The following VRTN variants were observed in gnomAD, a reference collection of about 807,000 sequenced individuals.
VRTN encodes the protein vertebrae development associated.
VRTN carries 5 observed loss-of-function variants against 18.2 expected under a neutral mutation model. That is an observed-to-expected ratio of 0.27 (90% CI 0.14 to 0.58). VRTN has a LOEUF of 0.58. Ranked by LOEUF, VRTN falls within the 20% of genes least tolerant of loss-of-function variation. VRTN has a pLI of 0.91. For synonymous variants in VRTN, 381 were observed against 393.7 expected (o/e 0.97, Z 0.38); for missense variants, 741 against 939.4 (o/e 0.79, Z 2.76).
intron 1 of VRTN, among the ~76,000 whole-genome samples, chr14:74,329,892 A>ATTTTTTTTT (rs1567041276): frequency 7.4e-6 from 1 of 135,176 alleles, no homozygotes; most frequent in African/African-American, 2.9e-5. Flanking sequence ...TTTTTTTTTG[A>ATTTTTTTTT]AACAGAGTCT....
intron 1 of VRTN, among the ~76,000 whole-genome samples, chr14:74,311,249 A>G (rs2085386867): frequency 6.6e-6 from 1 of 152,140 alleles, no homozygotes; most frequent in African/African-American, 2.4e-5. Flanking sequence ...TATAATAAAA[A>G]ATAAGTTTGT....
At position 74,311,865 on chromosome 14, in the gene VRTN, T is replaced by C. The variant is rs574082507; in HGVS notation, c.-164+8689T>C. 3.9e-5 allele frequency among the ~76,000 whole-genome samples: 6 copies of C among 152,126 alleles called. No homozygotes were observed. In the East Asian group the frequency reaches 5.8e-4, roughly 15 times the overall value. On this transcript the variant is annotated intron_variant, in intron 1 of 2. Coordinates refer to the VRTN transcript ENST00000557177. ...CTCACTGTCACCTCTGCTTTCCTGG[T>C]TCAAGCAATTCTCCTGCCTCAGGCT...
chr14:74,326,158 C>G, intron 1 of VRTN, among the ~76,000 whole-genome samples: 1 of 152,070 alleles, frequency 6.6e-6, no homozygotes, highest in Non-Finnish European at 1.5e-5. Context: ...TCTGGGACCT[C>G]AATTGATATG....
At position 74,358,831 on chromosome 14, in the gene VRTN, G is replaced by A. The variant is rs1341359355; in HGVS notation, c.2048G>A (p.Arg683His). The A allele has an allele frequency of 4.3e-6, 7 of 1,614,052 alleles. No individual in the cohort carries two copies. Among genetic ancestry groups the A allele is most frequent in the East Asian group, 4.5e-5 (2 of 44,894 alleles). The part of the protein sequence containing the change: ...EFSALFPLTA[R>H]STYYMWKRAL... ...AGTGCCCTCTTTCCCCTCACTGCCC[G>A]CTCCACATACTACATGTGGAAGCGA... The change falls in exon 2 of 2, where the codon CGC (arginine) becomes CAC (histidine). Residue 683 changes from arginine to histidine, a missense_variant. Coordinates refer to ENST00000256362, the MANE Select transcript of VRTN (RefSeq NM_018228.3). The surrounding 1 kb of genome is among the most constrained non-coding windows in gnomAD (Gnocchi z 5.4).
In VRTN at chr14:74,359,230, T is replaced by G; in HGVS notation, c.*338T>G. The G allele has an allele frequency of 3.1e-5, 7 of 228,956 alleles. No individual in the cohort carries two copies. The highest frequency in any genetic ancestry group is 1.1e-4 in the East Asian group (1 of 9,130). 14.2% of individuals were successfully genotyped at this position (228,956 alleles called of 1,614,324 possible). A position where few individuals can be genotyped will look rare whatever the true frequency, so the allele number is the denominator to read the frequency against. On this transcript the variant is annotated 3_prime_UTR_variant, in exon 2 of 2. Transcript: ENST00000256362. ...GAAGCCGTATGTATGTCAGGGGGTT[T>G]AGAGGGGGGTTGGTTAGCTAGAGCT... is the stretch of plus-strand genomic sequence containing the variant.
chr14:74,359,955 T>C lies in VRTN; in HGVS notation c.*1063T>C, dbSNP rs2140217215. On this transcript the variant is annotated 3_prime_UTR_variant, in exon 2 of 2. Coordinates refer to ENST00000256362, the MANE Select transcript of VRTN (RefSeq NM_018228.3). ...AGGCAGGTGGGAGACTGAATTTGCC[T>C]TGTTCGAGAGTAACGTTTGAAAACC... 1 of 167,178 alleles carries C rather than the reference T, an allele frequency of 6.0e-6. No homozygotes were observed. The highest frequency in any genetic ancestry group is 1.5e-5 in the Non-Finnish European group (1 of 68,102). 10.4% of individuals were successfully genotyped at this position (167,178 alleles called of 1,614,324 possible).
rs746141216 is a variant in VRTN, at chr14:74,358,011, G to A, written c.1228G>A (p.Glu410Lys). Reference protein sequence around the residue: ...VLMQRAKLYLEHCISLNTLVP... With the variant: ...VLMQRAKLYLKHCISLNTLVP... The stretch of plus-strand genomic sequence containing the variant: ...AATGCAGCGGGCCAAGTTGTACCTG[G>A]AGCATTGCATCTCCCTGAACACACT... Residue 410 changes from glutamate to lysine, a missense_variant, in exon 2 of 2, where the codon GAG (glutamate) becomes AAG (lysine). Coordinates refer to ENST00000256362, the MANE Select transcript of VRTN (RefSeq NM_018228.3). The surrounding 1 kb of genome is among the most constrained non-coding windows in gnomAD (Gnocchi z 5.4). The A allele has an allele frequency of 6.2e-7, 1 of 1,614,196 alleles. No individual in the cohort carries two copies. Among genetic ancestry groups the A allele is most frequent in the South Asian group, 1.1e-5 (1 of 91,086 alleles).
chr14:74,303,659 C>CAA (rs374824837), intron 1 of VRTN, among the ~76,000 whole-genome samples: 5 of 151,468 alleles, frequency 3.3e-5, no homozygotes, highest in African/African-American at 1.2e-4. Context: ...GGAAATGGCT[C>CAA]AAAAAAAACC....
rs1239514353 is a variant in VRTN, at chr14:74,357,550, C to T, written c.767C>T (p.Pro256Leu). The change falls in exon 2 of 2, where the codon CCA (proline) becomes CTA (leucine). Residue 256 changes from proline to leucine, a missense_variant. Pro to Leu is a moderately conservative substitution (Grantham distance 98). Coordinates refer to ENST00000256362, the MANE Select transcript of VRTN (RefSeq NM_018228.3). This position sits in a 1 kb window ranked among gnomAD's most constrained non-coding sequence, Gnocchi z 7.8. ...VEAEGAPGVAPALPALAPLSS... is the reference protein window; with the variant it reads ...VEAEGAPGVALALPALAPLSS... ...GCTGAAGGTGCCCCTGGCGTGGCCC[C>T]AGCTCTTCCAGCCCTGGCCCCACTC... 2.5e-6 allele frequency: 4 copies of T among 1,613,692 alleles called. No individual in the cohort carries two copies. Among genetic ancestry groups the T allele is most frequent in the Non-Finnish European group, 3.4e-6 (4 of 1,180,012 alleles).
chr14:74,318,659 G>A (rs557279431), intron 1 of VRTN, among the ~76,000 whole-genome samples: 89 of 151,404 alleles, frequency 5.9e-4, no homozygotes, highest in East Asian at 7.8e-4. Flanking sequence ...TGATCCGCCC[G>A]CCTTGGCCTC....
In VRTN at chr14:74,357,390, A is replaced by T. The variant is rs2085737111; in HGVS notation, c.607A>T (p.Asn203Tyr). Reference protein sequence around the residue: ...MRNLKIRPYFNRVIRPRRCDH... With the variant: ...MRNLKIRPYFYRVIRPRRCDH... ...CAACCTCAAGATCCGGCCCTACTTC[A>T]ACCGTGTCATCCGGCCCCGCCGCTG... The change falls in exon 2 of 2, where the codon AAC (asparagine) becomes TAC (tyrosine). Residue 203 changes from asparagine to tyrosine, a missense_variant. By Grantham distance (143) the Asn-to-Tyr change is moderately radical. Around this residue, in one of 3 missense-constraint regions of VRTN, gnomAD observed 186 missense variants for 288.3 expected, o/e 0.65. Coordinates refer to ENST00000256362, the MANE Select transcript of VRTN (RefSeq NM_018228.3). This position sits in a 1 kb window ranked among gnomAD's most constrained non-coding sequence, Gnocchi z 7.8. 6.2e-7 allele frequency: 1 copy of T among 1,613,420 alleles called. No homozygotes were observed. The highest frequency in any genetic ancestry group is 8.5e-7 in the Non-Finnish European group (1 of 1,180,008).
At chr14:74,356,741 A>G (rs1407459130) in intron 1 of VRTN, 42 bp from the exon 2 acceptor site, 2 of 1,532,322 alleles carry the variant, frequency 1.3e-6, no homozygotes, top group East Asian at 4.5e-5. Flanking sequence ...TCATCTGGGC[A>G]CTTCGACCTG....
Position 74,306,172 on chromosome 14 carries a change from A to ATATTT in VRTN, c.-164+2997_-164+2998insATTTT, listed in dbSNP as rs1303177798. ...TATATATATATATATATATATATAT[A>ATATTT]TTTTTTTTTTTTTTTTGAGACAGAG... is the stretch of plus-strand genomic sequence containing the variant. On this transcript the variant is annotated intron_variant, in intron 1 of 2. Coordinates refer to the VRTN transcript ENST00000557177. 23 of 75,642 alleles carry ATATTT rather than the reference A, an allele frequency of 3.0e-4. 1 individual carries two copies. The highest frequency in any genetic ancestry group is 4.0e-4 in the Non-Finnish European group (15 of 37,058). The allele number at this position is 75,642 out of a possible 1,614,324, so 4.7% of individuals were successfully genotyped here.
intron 1 of VRTN, among the ~76,000 whole-genome samples, chr14:74,321,377 G>A (rs1169281449): frequency 2.6e-5 from 4 of 152,104 alleles, no homozygotes; most frequent in Middle Eastern, 3.2e-3. Context: ...TTCACAGAAC[G>A]CAAAACTGAG....
intron 2 of VRTN, among the ~76,000 whole-genome samples, chr14:74,340,412 A>G (rs1460482781): frequency 1.3e-5 from 2 of 151,448 alleles, no homozygotes; most frequent in African/African-American, 2.4e-5. Context: ...GCGCCCGGCC[A>G]TGTTTGTATT....
intron 1 of VRTN, among the ~76,000 whole-genome samples, chr14:74,335,002 C>T (rs960731896): frequency 1.3e-5 from 2 of 152,260 alleles, no homozygotes; most frequent in South Asian, 4.2e-4. Context: ...AACACAAAGG[C>T]CAGGCACGGT....
At chr14:74,343,170 A>G (rs1327213073) in intron 2 of VRTN, among the ~76,000 whole-genome samples, 2 of 152,090 alleles carry the variant, frequency 1.3e-5, no homozygotes, top group African/African-American at 4.8e-5. Context: ...CTCTGTGGCC[A>G]GGCTGGAGTG....
At chr14:74,352,746 AC>A (rs1464884986) in intron 1 of VRTN, among the ~76,000 whole-genome samples, 1 of 152,146 alleles carries the variant, frequency 6.6e-6, no homozygotes, top group African/African-American at 2.4e-5. Flanking sequence ...AAATGTATAT[AC>A]CCAAACACCA....
chr14:74,320,734 C>T (rs1299852087), intron 1 of VRTN, among the ~76,000 whole-genome samples: 2 of 149,004 alleles, frequency 1.3e-5, no homozygotes, highest in African/African-American at 4.9e-5. Flanking sequence ...TTACAGGTGC[C>T]CGCCACTGAA....
Sources: allele counts gnomAD v4.1 joint callset (sites outside exome capture counted in the v4.1 genomes callset), GRCh38; gene constraint gnomAD v4.1.1; regional missense constraint gnomAD v4.1.1; non-coding constraint Gnocchi (gnomAD v3.1); transcripts MANE v1.5; gene names NCBI Gene and HGNC (gene_info 2026-07-23, HGNC 2026-07-21).